Variants in FMN1 observed in about 807,000 individuals in gnomAD.
FMN1 encodes the protein formin-1.
A neutral mutation model predicts 132.4 loss-of-function variants in FMN1; 110 were observed. The observed-to-expected ratio is 0.83, with a 90% confidence interval of 0.71 to 0.97. The LOEUF (loss-of-function observed/expected upper bound fraction) is 0.97, where lower values mean the gene tolerates loss of function less well. FMN1 is among the 50% of genes least tolerant of loss of function. The pLI is 0.00. For synonymous variants in FMN1, 722 were observed against 651.7 expected (o/e 1.11, Z -1.64); for missense variants, 1,792 against 1,705.3 (o/e 1.05, Z -0.90).
chr15:33,080,433 G>A (rs951321620), intron 5 of FMN1, among the ~76,000 whole-genome samples: 3 of 152,144 alleles, frequency 2.0e-5, no homozygotes, highest in Non-Finnish European at 2.9e-5. Context: ...CACTGCTAGT[G>A]CATTTAATTA....
chr15:33,090,717 T>C (rs771134085), intron 4 of FMN1, among the ~76,000 whole-genome samples: 7 of 152,184 alleles, frequency 4.6e-5, no homozygotes, highest in Non-Finnish European at 7.3e-5. Flanking sequence ...GGGTCTCACA[T>C]GCTTTAGAGT....
rs181880930 is a variant in FMN1, at chr15:32,916,448, G to A, written c.3227-5913C>T. ...TCTTTGACTGAGGGAGCACCTCTGA[G>A]CAAGAAGCATGGGACACGGTGGTGA... On this transcript the variant is annotated intron_variant, in intron 10 of 20. Coordinates refer to ENST00000616417, the MANE Select transcript of FMN1 (RefSeq NM_001277313.2). Among the ~76,000 whole-genome samples the A allele has an allele frequency of 1.3e-4, 20 of 152,306 alleles. No individual in the cohort carries two copies. In the East Asian group the frequency reaches 2.7e-3, roughly 21 times the overall value.
In FMN1 at chr15:32,968,826, G is replaced by A. The variant is rs1236187136; in HGVS notation, c.2875C>T (p.Leu959Phe). Residue 959 changes from leucine to phenylalanine, a missense_variant, in exon 8 of 21, where the codon CTC becomes TTC. Physicochemically the swap from Leu to Phe is conservative, Grantham distance 22. This residue lies in a region of FMN1 where 1,150 missense variants were observed against 1,043.1 expected (regional missense o/e 1.10). Coordinates refer to ENST00000616417, the MANE Select transcript of FMN1 (RefSeq NM_001277313.2). Reference sequence around the variant, plus strand: ...GAAGAAGAGCCAAGTCCAAAGAAGAGTCCAGGGGGAGGTGGGGGTGCAAGT... The same window carrying A: ...GAAGAAGAGCCAAGTCCAAAGAAGAATCCAGGGGGAGGTGGGGGTGCAAGT... ...PGLAPPPPPG[L>F]FFGLGSSSSQ... 2 of 1,610,726 alleles carry A rather than the reference G, an allele frequency of 1.2e-6. No individual in the cohort carries two copies. The highest frequency in any genetic ancestry group is 1.1e-5 in the South Asian group (1 of 90,824).
chr15:32,797,601 T>C (rs932172608), intron 19 of FMN1, among the ~76,000 whole-genome samples: 1 of 152,214 alleles, frequency 6.6e-6, no homozygotes, highest in African/African-American at 2.4e-5. Flanking sequence ...GGTACTTTTC[T>C]CTGCTTCAGT....
At chr15:32,944,577 A>G (rs1046178185) in intron 9 of FMN1, among the ~76,000 whole-genome samples, 7 of 152,216 alleles carry the variant, frequency 4.6e-5, no homozygotes, top group Non-Finnish European at 1.0e-4. Context: ...GATGAAGTTT[A>G]CTTTAAGGAT....
intron 16 of FMN1, among the ~76,000 whole-genome samples, chr15:32,878,085 A>G (rs1441897103): frequency 6.6e-6 from 1 of 152,256 alleles, no homozygotes; most frequent in African/African-American, 2.4e-5. Context: ...TGCCTATTCA[A>G]AGTGCCTCCT....
intron 4 of FMN1, among the ~76,000 whole-genome samples, chr15:33,137,886 C>T (rs1019500204): frequency 2.0e-5 from 3 of 152,164 alleles, no homozygotes; most frequent in South Asian, 2.1e-4. Context: ...CAGCTGCAGT[C>T]GGCCAGACCT....
chr15:32,943,594 G>A (rs2061443090), intron 9 of FMN1, among the ~76,000 whole-genome samples: 1 of 152,178 alleles, frequency 6.6e-6, no homozygotes, highest in African/African-American at 2.4e-5. Flanking sequence ...GAGTGGGTTG[G>A]AAGACACGTA....
chr15:33,169,725 TTTTTTTTTCTTTTCC>T (rs1418587715), intron 3 of FMN1, among the ~76,000 whole-genome samples: 1 of 145,394 alleles, frequency 6.9e-6, no homozygotes, highest in Non-Finnish European at 1.5e-5. Context: ...TAAAAAGCCT[TTTTTTTTTCTTTTCC>T]TTTTTTTTTT....
At chr15:32,921,370 G>A (rs1334526241) in intron 10 of FMN1, among the ~76,000 whole-genome samples, 1 of 152,176 alleles carries the variant, frequency 6.6e-6, no homozygotes, top group Admixed American at 6.5e-5. Flanking sequence ...TAGTTGGCTA[G>A]AGTGCAGTGA....
chr15:32,815,521 G>C (rs1422614549), intron 17 of FMN1, among the ~76,000 whole-genome samples: 6 of 152,008 alleles, frequency 3.9e-5, no homozygotes, highest in Non-Finnish European at 5.9e-5. Context: ...CCTTACACTT[G>C]AAAACTATGG....
chr15:32,898,882 A>G lies in FMN1; in HGVS notation c.3666T>C (p.Ile1222=). Reference sequence around the variant, plus strand: ...ACTTAACAACGTAGTCCACCAGATTAATCCCATTATCCTAGGTTTAAAAGA... The same window carrying G: ...ACTTAACAACGTAGTCCACCAGATTGATCCCATTATCCTAGGTTTAAAAGA... ...LKDVKSRDNG[I]NLVDYVVKYY... The change falls in exon 15 of 21, where the codon ATT becomes ATC. Residue 1222 remains isoleucine, a synonymous_variant. Coordinates refer to ENST00000616417, the MANE Select transcript of FMN1 (RefSeq NM_001277313.2). 1 of 1,592,972 alleles carries G rather than the reference A, an allele frequency of 6.3e-7. No homozygotes were observed. Among genetic ancestry groups the G allele is most frequent in the Non-Finnish European group, 8.6e-7 (1 of 1,162,804 alleles).
chr15:32,926,225 C>A lies in FMN1; in HGVS notation c.3175G>T (p.Val1059Leu), dbSNP rs138506604. 10 of 1,546,570 alleles carry A rather than the reference C, an allele frequency of 6.5e-6. No homozygotes were observed. The East Asian group carries it at 2.1e-4, about 32-fold the overall frequency. ...KLLDGKRSQT[V>L]GILISSLHLE... is the part of the protein sequence containing the mutation. ...TGTAAACTAGATATCAAGATTCCCA[C>A]AGTTTGAGATCGTTTTCCATCCAAC... The change falls in exon 10 of 21, where the codon GTG becomes TTG. Residue 1059 changes from valine (V) to leucine (L), a missense_variant. Transcript: ENST00000616417.
chr15:33,067,195 G>A (rs1243632440), intron 5 of FMN1: 2 of 1,613,464 alleles, frequency 1.2e-6, no homozygotes, highest in East Asian at 4.5e-5. Context: ...GGTCCTGGCT[G>A]GGGCGACGCT....
intron 6 of FMN1, among the ~76,000 whole-genome samples, chr15:33,032,908 T>C (rs1202701782): frequency 6.6e-6 from 1 of 152,210 alleles, no homozygotes; most frequent in Non-Finnish European, 1.5e-5. Context: ...GATTCCTACT[T>C]CGCAAGGTCA....
intron 16 of FMN1, among the ~76,000 whole-genome samples, chr15:32,860,285 A>G (rs2059239581): frequency 6.6e-6 from 1 of 151,796 alleles, no homozygotes; most frequent in Non-Finnish European, 1.5e-5. Context: ...GAAAGGAAGA[A>G]AGGGAAAAGT....
At chr15:33,127,622 A>T (rs1480982221) in intron 4 of FMN1, among the ~76,000 whole-genome samples, 1 of 143,680 alleles carries the variant, frequency 7.0e-6, no homozygotes, top group Non-Finnish European at 1.5e-5. Context: ...GTTAAAACAC[A>T]AGTATTTTCC....
At chr15:32,819,366 C>G (rs1326496333) in intron 17 of FMN1, among the ~76,000 whole-genome samples, 1 of 152,184 alleles carries the variant, frequency 6.6e-6, no homozygotes, top group Non-Finnish European at 1.5e-5. Flanking sequence ...GATTAATTCC[C>G]TATGGATTTA....
intron 5 of FMN1, among the ~76,000 whole-genome samples, chr15:33,074,788 G>A (rs2038135450): frequency 6.6e-6 from 1 of 152,040 alleles, no homozygotes; most frequent in South Asian, 2.1e-4. Flanking sequence ...GGCTGAGGCA[G>A]GCGGATCACT....
Sources: gnomAD v4.1 joint callset for allele counts (sites outside exome capture counted in the v4.1 genomes callset) on GRCh38, gnomAD v4.1.1 for gene constraint, gnomAD v4.1.1 regional missense constraint, MANE v1.5 for transcripts, NCBI Gene and HGNC (gene_info 2026-07-23, HGNC 2026-07-21) for gene names.